The following FARS2 variants were observed in gnomAD, a reference collection of about 807,000 sequenced individuals.
FARS2 encodes phenylalanyl-tRNA synthetase 2, mitochondrial.
A neutral mutation model predicts 46.4 loss-of-function variants in FARS2; 40 were observed. That is an observed-to-expected ratio of 0.86 (90% confidence interval 0.67 to 1.12). The LOEUF is 1.12. Ranked by LOEUF, FARS2 falls within the 50% of genes most tolerant of loss-of-function variation. The pLI is 0.00. For missense variants in FARS2, 513 were observed against 567.9 expected (o/e 0.90, Z 0.98); for synonymous variants, 234 against 214.9 (o/e 1.09, Z -0.78).
At chr6:5,498,457 A>G (rs1451696061) in intron 4 of FARS2, among the ~76,000 whole-genome samples, 1 of 152,240 alleles carries the variant, frequency 6.6e-6, no homozygotes, top group Non-Finnish European at 1.5e-5. Context: ...TTTACTTATC[A>G]TAAAACGTAA....
chr6:5,373,991 T>G (rs1759222642), intron 2 of FARS2, among the ~76,000 whole-genome samples: 1 of 152,234 alleles, frequency 6.6e-6, no homozygotes, highest in African/African-American at 2.4e-5. Context: ...CAGTTCTTTT[T>G]TGTTTTTATT....
intron 6 of FARS2, among the ~76,000 whole-genome samples, chr6:5,698,256 G>C (rs1234097941): frequency 2.0e-5 from 3 of 152,206 alleles, no homozygotes; most frequent in Non-Finnish European, 4.4e-5. Context: ...AGCTTCTAGG[G>C]AGGCCTCGGG....
intron 4 of FARS2, among the ~76,000 whole-genome samples, chr6:5,457,189 G>A (rs939606176): frequency 6.6e-6 from 1 of 152,172 alleles, no homozygotes; most frequent in Non-Finnish European, 1.5e-5. Context: ...CATTGTGTGT[G>A]TGTTCACAGT....
intron 1 of FARS2, among the ~76,000 whole-genome samples, chr6:5,324,894 T>C (rs999959499): frequency 6.6e-6 from 1 of 151,958 alleles, no homozygotes; most frequent in African/African-American, 2.4e-5. Context: ...CTCTGTCTCA[T>C]CCCTGCCTCC....
At chr6:5,364,123 C>T (rs754724635) in intron 1 of FARS2, among the ~76,000 whole-genome samples, 9 of 152,110 alleles carry the variant, frequency 5.9e-5, no homozygotes, top group Non-Finnish European at 8.8e-5. Flanking sequence ...ATCCGTTACC[C>T]GATCTCTAGA....
chr6:5,466,727 A>G (rs1023646043), intron 4 of FARS2: 3 of 980,990 alleles, frequency 3.1e-6, no homozygotes, highest in Non-Finnish European at 3.6e-6. Flanking sequence ...AGAGAGTCGA[A>G]TGCAAGGCTG....
chr6:5,331,807 G>C (rs546302484), intron 1 of FARS2, among the ~76,000 whole-genome samples: 1 of 152,240 alleles, frequency 6.6e-6, no homozygotes, highest in South Asian at 2.1e-4. Context: ...CTCTATAGTC[G>C]CTGGTCTTGG....
intron 5 of FARS2, among the ~76,000 whole-genome samples, chr6:5,553,140 G>A (rs1771464490): frequency 6.6e-6 from 1 of 152,088 alleles, no homozygotes; most frequent in Non-Finnish European, 1.5e-5. Context: ...CAGCAATGTT[G>A]GCTGTTATCT....
intron 6 of FARS2, among the ~76,000 whole-genome samples, chr6:5,660,471 C>A (rs1777797355): frequency 6.6e-6 from 1 of 151,822 alleles, no homozygotes; most frequent in Non-Finnish European, 1.5e-5. Flanking sequence ...TATAGTGAGA[C>A]CCCCATCTCT....
chr6:5,762,025 A>T (rs1480851523), intron 6 of FARS2, among the ~76,000 whole-genome samples: 1 of 152,128 alleles, frequency 6.6e-6, no homozygotes, highest in Non-Finnish European at 1.5e-5. Context: ...TTCTAGTAAT[A>T]ATCACTGGGC....
At chr6:5,716,537 G>A in intron 6 of FARS2, among the ~76,000 whole-genome samples, 1 of 152,188 alleles carries the variant, frequency 6.6e-6, no homozygotes, top group East Asian at 1.9e-4. Flanking sequence ...AATCAGTTCT[G>A]CAGCAAACAC....
upstream of FARS2, chr6:5,261,453 C>CT (rs150913223): frequency 0.02 from 3,060 of 152,936 alleles, 90 homozygotes; most frequent in African/African-American, 0.069. Flanking sequence ...AGGTGATGAG[C>CT]TAGGGGTTCT....
intron 1 of FARS2, among the ~76,000 whole-genome samples, chr6:5,325,189 C>T (rs1770277827): frequency 6.6e-6 from 1 of 152,182 alleles, no homozygotes; most frequent in Admixed American, 6.5e-5. Flanking sequence ...AAGCTGGGAG[C>T]TCTGGTGGGT....
intron 5 of FARS2, among the ~76,000 whole-genome samples, chr6:5,565,903 C>T (rs1199942176): frequency 6.6e-6 from 1 of 152,112 alleles, no homozygotes; most frequent in Non-Finnish European, 1.5e-5. Context: ...TGTGCAAAGC[C>T]AAATTTTACC....
intron 1 of FARS2, among the ~76,000 whole-genome samples, chr6:5,357,723 A>G (rs536136589): frequency 3.0e-4 from 46 of 152,336 alleles, no homozygotes; most frequent in South Asian, 4.1e-4. Flanking sequence ...AGGCAATGGA[A>G]ATAGCAGGGG....
intron 5 of FARS2, among the ~76,000 whole-genome samples, chr6:5,607,521 G>A (rs540229301): frequency 1.3e-5 from 2 of 152,144 alleles, no homozygotes; most frequent in Admixed American, 1.3e-4. Context: ...AATATAAATA[G>A]ATTAAAGTGA....
intron 3 of FARS2, among the ~76,000 whole-genome samples, chr6:5,424,620 A>G (rs1762746317): frequency 6.6e-6 from 1 of 152,262 alleles, no homozygotes; most frequent in South Asian, 2.1e-4. Flanking sequence ...ATCTGGCAGT[A>G]AAAAGGAAAC....
At chr6:5,467,168 T>G in intron 4 of FARS2, 3 of 745,242 alleles carry the variant, frequency 4.0e-6, no homozygotes, top group Non-Finnish European at 4.9e-6. Context: ...ATCTGTGGTT[T>G]ACATTTTTTG....
At position 5,630,101 on chromosome 6, in the gene FARS2, C is replaced by G. The variant is rs1484372267; in HGVS notation, c.1217+16781C>G. On this transcript the variant is annotated intron_variant, in intron 6 of 6. Transcript: ENST00000274680. This position sits in a 1 kb window ranked among gnomAD's most constrained non-coding sequence, Gnocchi z 4.2. ...TGTACTACTCTTGACCACTGGAGCT[C>G]CAGACATGACCCAAATGCCTGGTGA... is the stretch of plus-strand genomic sequence containing the variant. Among the ~76,000 whole-genome samples, 1 of 152,030 alleles carries G rather than the reference C, an allele frequency of 6.6e-6. No homozygotes were observed. Among genetic ancestry groups the G allele is most frequent in the Non-Finnish European group, 1.5e-5 (1 of 68,022 alleles).
Sources: allele counts gnomAD v4.1 joint callset (sites outside exome capture counted in the v4.1 genomes callset), GRCh38; gene constraint gnomAD v4.1.1; non-coding constraint Gnocchi (gnomAD v3.1); transcripts MANE v1.5; gene names NCBI Gene and HGNC (gene_info 2026-07-23, HGNC 2026-07-21).